Variants in KCNT2 observed in about 807,000 individuals in gnomAD.
The protein encoded by KCNT2 is potassium channel subfamily T member 2.
KCNT2 carries 67 observed loss-of-function variants against 153.8 expected under a neutral mutation model. That is an observed-to-expected ratio of 0.44 (90% CI 0.36 to 0.53). The LOEUF is 0.53. Ranked by LOEUF, KCNT2 falls within the 20% of genes least tolerant of loss-of-function variation. The pLI is 0.00. For missense variants in KCNT2, 975 were observed against 1,354.8 expected, an observed-to-expected ratio of 0.72 and a Z score of 4.40; for synonymous variants, 500 against 458.8, an observed-to-expected ratio of 1.09 and a Z score of -1.15.
At chr1:196,394,979 C>G (rs898651214) in intron 13 of KCNT2, among the ~76,000 whole-genome samples, 2 of 149,194 alleles carry the variant, frequency 1.3e-5, no homozygotes, top group African/African-American at 4.9e-5. Context: ...TCCTAGCTTT[C>G]CAATAGATTT....
intron 1 of KCNT2, among the ~76,000 whole-genome samples, chr1:196,510,432 C>T (rs1681517816): frequency 6.6e-6 from 1 of 152,052 alleles, no homozygotes; most frequent in African/African-American, 2.4e-5. Flanking sequence ...TTTACCCTAA[C>T]TTATATTATA....
At chr1:196,278,449 T>C (rs890979526) in intron 25 of KCNT2, among the ~76,000 whole-genome samples, 1 of 152,210 alleles carries the variant, frequency 6.6e-6, no homozygotes, top group African/African-American at 2.4e-5. Flanking sequence ...AGTGTCCTTT[T>C]ATCATCCCAA....
At chr1:196,285,359 T>C (rs1659557546) in intron 23 of KCNT2, among the ~76,000 whole-genome samples, 1 of 152,128 alleles carries the variant, frequency 6.6e-6, no homozygotes, top group Non-Finnish European at 1.5e-5. Context: ...GTAATATGCT[T>C]GGAGTAACAT....
At chr1:196,392,250 T>C (rs1670556403) in intron 13 of KCNT2, among the ~76,000 whole-genome samples, 1 of 151,090 alleles carries the variant, frequency 6.6e-6, no homozygotes, top group Non-Finnish European at 1.5e-5. Context: ...AAGTAAAAAA[T>C]AGTGAGGAAT....
chr1:196,575,837 G>C (rs1023268784), intron 1 of KCNT2, among the ~76,000 whole-genome samples: 10 of 151,710 alleles, frequency 6.6e-5, no homozygotes, highest in Non-Finnish European at 1.5e-4. Context: ...AATAAGCTGG[G>C]TGTGGAGGCG....
At chr1:196,518,749 G>T (rs1454045029) in intron 1 of KCNT2, among the ~76,000 whole-genome samples, 1 of 152,166 alleles carries the variant, frequency 6.6e-6, no homozygotes, top group Non-Finnish European at 1.5e-5. Context: ...AAATACATAT[G>T]CAACCAACAC....
intron 18 of KCNT2, among the ~76,000 whole-genome samples, 167 bp from the exon 19 acceptor site, chr1:196,327,056 A>C (rs1047197245): frequency 6.6e-6 from 1 of 152,158 alleles, no homozygotes; most frequent in Non-Finnish European, 1.5e-5. Flanking sequence ...TGCAACCTGC[A>C]GTAAGAAATA....
Position 196,567,469 on chromosome 1 carries a change from T to A in KCNT2, c.95+40746A>T, listed in dbSNP as rs116643244. Among the ~76,000 whole-genome samples the A allele has an allele frequency of 4.8e-3, 735 of 152,304 alleles. 3 individuals are homozygous for A. Among genetic ancestry groups the A allele is most frequent in the African/African-American group, 0.016 (668 of 41,566 alleles). ...GCATAAATCTCGGATCTTCTATTTT[T>A]TCTTTCATAATTTTTAGAAACAGGA... On this transcript the variant is annotated intron_variant, in intron 1 of 27. Transcript: ENST00000294725.
chr1:196,259,812 T>C (rs563553307), intron 25 of KCNT2, among the ~76,000 whole-genome samples: 14 of 152,058 alleles, frequency 9.2e-5, no homozygotes, highest in African/African-American at 3.4e-4. Flanking sequence ...ATAAAATAAT[T>C]GAGATTAAAT....
chr1:196,573,210 G>T (rs1350135600), intron 1 of KCNT2, among the ~76,000 whole-genome samples: 1 of 151,992 alleles, frequency 6.6e-6, no homozygotes, highest in East Asian at 1.9e-4. Context: ...AAGATTTAAG[G>T]ATAAAATAAA....
intron 8 of KCNT2, among the ~76,000 whole-genome samples, chr1:196,444,234 A>AAAGTT (rs1276662335): frequency 1.3e-5 from 2 of 151,348 alleles, no homozygotes; most frequent in East Asian, 3.9e-4. Flanking sequence ...AACTTTTCTG[A>AAAGTT]CTTTAATATT....
chr1:196,265,385 A>G (rs113963297), intron 25 of KCNT2, among the ~76,000 whole-genome samples: 7,571 of 152,210 alleles, frequency 0.05, 287 homozygotes, highest in Non-Finnish European at 0.072. Flanking sequence ...TAATGCCTGG[A>G]AGCATCAGTA....
intron 8 of KCNT2, among the ~76,000 whole-genome samples, chr1:196,444,238 T>G (rs1023701216): frequency 1.3e-5 from 2 of 151,392 alleles, no homozygotes; most frequent in African/African-American, 2.4e-5. Context: ...TTTCTGACTT[T>G]AATATTAGAA....
chr1:196,319,617 G>C, intron 19 of KCNT2, 62 bp from the exon 20 acceptor site: 1 of 1,073,244 alleles, frequency 9.3e-7, no homozygotes, highest in African/African-American at 1.6e-5. Context: ...CACTTCTAGG[G>C]AAAGGAAGTA....
intron 1 of KCNT2, among the ~76,000 whole-genome samples, chr1:196,530,460 G>A (rs1383785486): frequency 1.3e-5 from 2 of 151,694 alleles, no homozygotes; most frequent in Non-Finnish European, 2.9e-5. Context: ...ATGATAGATG[G>A]CTATTCATAA....
At position 196,444,835 on chromosome 1, in the gene KCNT2, C is replaced by A. The variant is rs546009358; in HGVS notation, c.639-15078G>T. 2.6e-5 allele frequency among the ~76,000 whole-genome samples: 4 copies of A among 151,372 alleles called. No homozygotes were observed. In the South Asian group the frequency reaches 8.3e-4, roughly 31 times the overall value. The stretch of plus-strand genomic sequence containing the variant: ...ATATCTACTGATATTGTGAGTGGTT[C>A]CTACTGCCCCAAGCAGCAAATATAT... On this transcript the variant is annotated intron_variant, in intron 8 of 27. Coordinates refer to ENST00000294725, the MANE Select transcript of KCNT2 (RefSeq NM_198503.5).
intron 12 of KCNT2, 72 bp from the exon 13 acceptor site, chr1:196,398,743 A>G: frequency 3.7e-6 from 3 of 806,936 alleles, no homozygotes; most frequent in South Asian, 1.7e-5. Context: ...AAAGTAAGCA[A>G]TCAGTTTGCT....
chr1:196,418,516 A>C (rs746356907), intron 12 of KCNT2, among the ~76,000 whole-genome samples: 2 of 152,016 alleles, frequency 1.3e-5, no homozygotes, highest in Non-Finnish European at 2.9e-5. Flanking sequence ...GATGACTTAA[A>C]CAGAAGACAT....
At chr1:196,526,636 A>G (rs1381274304) in intron 1 of KCNT2, among the ~76,000 whole-genome samples, 1 of 152,014 alleles carries the variant, frequency 6.6e-6, no homozygotes, top group Non-Finnish European at 1.5e-5. Flanking sequence ...TATTTTTAGT[A>G]GAGATGGGGT....
Sources: gnomAD v4.1 joint callset for allele counts (sites outside exome capture counted in the v4.1 genomes callset) on GRCh38, gnomAD v4.1.1 for gene constraint, MANE v1.5 for transcripts, NCBI Gene and HGNC (gene_info 2026-07-23, HGNC 2026-07-21) for gene names.